VAV3: variants seen among roughly 807,000 people sequenced by gnomAD.
VAV3 encodes the protein vav guanine nucleotide exchange factor 3, also known as guanine nucleotide exchange factor VAV3.
VAV3 carries 94 observed loss-of-function variants against 131.2 expected under a neutral mutation model. The ratio of observed to expected loss-of-function variants is 0.72; its 90% CI spans 0.61 to 0.85. VAV3 has a LOEUF of 0.85. Among genes scored for constraint, VAV3 ranks in the 40% least tolerant of loss-of-function variants. VAV3 has a pLI of 0.00. For synonymous variants in VAV3, 349 were observed against 342.0 expected, an observed-to-expected ratio of 1.02 and a Z score of -0.22; for missense variants, 939 against 1,002.7, an observed-to-expected ratio of 0.94 and a Z score of 0.86.
rs202127664 is a variant in VAV3, at chr1:107,600,632, A to AT, written c.2220+1764dup. On this transcript the variant is annotated intron_variant, in intron 24 of 26. Coordinates refer to ENST00000370056, the MANE Select transcript of VAV3 (RefSeq NM_006113.5). ...GAAACTTTTAAGGCTCTCTGGCACAATTTTTTTTTAATGCTGGGTCTCTAT... is the reference window on the plus strand; with the variant it reads ...GAAACTTTTAAGGCTCTCTGGCACAATTTTTTTTTTAATGCTGGGTCTCTAT... Among the ~76,000 whole-genome samples the AT allele has an allele frequency of 1.9e-3, 293 of 151,182 alleles. 1 individual carries two copies. Among genetic ancestry groups the AT allele is most frequent in the Non-Finnish European group, 3.4e-3 (229 of 67,678 alleles).
chr1:107,722,552 T>A (rs1661560827), intron 15 of VAV3, among the ~76,000 whole-genome samples: 1 of 152,186 alleles, frequency 6.6e-6, no homozygotes, highest in South Asian at 2.1e-4. Context: ...ACAAATGGAC[T>A]TATTTCAAAG....
rs988618510 is a variant in VAV3, at chr1:107,627,559, G to A, written c.1915-9927C>T. ...ACCTGATTATCATTTTTCCATTTCT[G>A]GAAAATAAAGCATGTCTTTCAAAAT... On this transcript the variant is annotated intron_variant, in intron 20 of 26. Coordinates refer to ENST00000370056, the MANE Select transcript of VAV3 (RefSeq NM_006113.5). Among the ~76,000 whole-genome samples, 16 of 152,106 alleles carry A rather than the reference G, an allele frequency of 1.1e-4. 1 individual carries two copies. The highest frequency in any genetic ancestry group is 8.5e-4 in the Admixed American group (13 of 15,282).
At chr1:107,579,279 C>T (rs1323894590) in intron 25 of VAV3, among the ~76,000 whole-genome samples, 2 of 152,184 alleles carry the variant, frequency 1.3e-5, no homozygotes, top group South Asian at 2.1e-4. Context: ...GGAGATTCTT[C>T]GATATGGTTT....
intron 1 of VAV3, among the ~76,000 whole-genome samples, chr1:107,895,459 T>C (rs1365318661): frequency 1.3e-5 from 2 of 152,158 alleles, no homozygotes; most frequent in Non-Finnish European, 2.9e-5. Context: ...AGCAATCTTA[T>C]CCAGTTCTCA....
intron 17 of VAV3, among the ~76,000 whole-genome samples, chr1:107,690,034 T>C (rs1198210983): frequency 6.6e-6 from 1 of 152,170 alleles, no homozygotes; most frequent in African/African-American, 2.4e-5. Context: ...AAGTTTTCCA[T>C]CCAAGGAGAT....
At chr1:107,950,347 T>C (rs1302253351) in intron 1 of VAV3, among the ~76,000 whole-genome samples, 3 of 152,222 alleles carry the variant, frequency 2.0e-5, no homozygotes, top group South Asian at 2.1e-4. Context: ...ATAGTCACCA[T>C]TGTAGTGTGT....
chr1:107,610,792 A>C (rs1298409414), intron 21 of VAV3, among the ~76,000 whole-genome samples: 2 of 152,226 alleles, frequency 1.3e-5, no homozygotes, highest in African/African-American at 4.8e-5. Flanking sequence ...AGAGAGGGTT[A>C]CTTTAAAAAT....
intron 15 of VAV3, among the ~76,000 whole-genome samples, chr1:107,711,342 C>T (rs1163037148): frequency 6.6e-6 from 1 of 152,188 alleles, no homozygotes; most frequent in Non-Finnish European, 1.5e-5. Flanking sequence ...GGACTGGTCA[C>T]ACAGACACTC....
intron 1 of VAV3, among the ~76,000 whole-genome samples, chr1:107,879,032 AT>A (rs984358700): frequency 4.1e-4 from 63 of 151,982 alleles, no homozygotes; most frequent in African/African-American, 1.4e-3. Context: ...TGCCATCATT[AT>A]TTTTTTAATG....
chr1:107,759,637 T>C (rs1388813832), intron 10 of VAV3, among the ~76,000 whole-genome samples: 2 of 152,136 alleles, frequency 1.3e-5, no homozygotes, highest in African/African-American at 4.8e-5. Context: ...GAACTAAACA[T>C]ACTCTTAAAA....
chr1:107,713,220 T>C (rs1660891735), intron 15 of VAV3, among the ~76,000 whole-genome samples: 1 of 152,174 alleles, frequency 6.6e-6, no homozygotes, highest in African/African-American at 2.4e-5. Context: ...AGGAACCTGA[T>C]ATTTATTTTA....
intron 25 of VAV3, chr1:107,576,405 A>G: frequency 6.6e-7 from 1 of 1,523,828 alleles, no homozygotes; most frequent in East Asian, 2.5e-5. Context: ...ACCAGAAAGG[A>G]GTGGAAGAAG....
intron 19 of VAV3, among the ~76,000 whole-genome samples, chr1:107,648,904 C>T (rs1465321047): frequency 6.6e-6 from 1 of 151,980 alleles, no homozygotes. Flanking sequence ...GTACCCGCCA[C>T]ATGTCTGGTG....
intron 1 of VAV3, among the ~76,000 whole-genome samples, chr1:107,960,336 C>T (rs1383850345): frequency 6.6e-6 from 1 of 151,928 alleles, no homozygotes; most frequent in Non-Finnish European, 1.5e-5. Context: ...AGTAGTGGCA[C>T]GTGCCTGTAG....
chr1:107,645,146 C>A (rs1372346224), intron 19 of VAV3, among the ~76,000 whole-genome samples: 1 of 151,914 alleles, frequency 6.6e-6, no homozygotes, highest in Admixed American at 6.6e-5. Flanking sequence ...TGACCTCTTC[C>A]CCAAAGCAAA....
rs1271100586 is a variant in VAV3, at chr1:107,765,065, T to C, written c.921+11A>G. 1 of 1,597,264 alleles carries C rather than the reference T, an allele frequency of 6.3e-7. No individual in the cohort carries two copies. Among genetic ancestry groups the C allele is most frequent in the East Asian group, 2.2e-5 (1 of 44,738 alleles). ...TTTGCTTTATGTCATAAACTAAAAA[T>C]AAATAGGCACCTCTAATTTCAGTTT... is the stretch of plus-strand genomic sequence containing the variant. On this transcript the variant is annotated intron_variant, in intron 9 of 26. Transcript: ENST00000370056.
chr1:107,775,604 A>G (rs893758380), intron 4 of VAV3, among the ~76,000 whole-genome samples: 15 of 124,664 alleles, frequency 1.2e-4, no homozygotes, highest in African/African-American at 3.6e-4. Flanking sequence ...AAAAAAAAAA[A>G]GAATAGCATC....
chr1:107,763,852 C>A (rs762651293), intron 9 of VAV3, among the ~76,000 whole-genome samples: 5 of 151,578 alleles, frequency 3.3e-5, no homozygotes, highest in African/African-American at 7.3e-5. Flanking sequence ...ATTTGAAAAT[C>A]ACCTGCCCCT....
intron 7 of VAV3, among the ~76,000 whole-genome samples, chr1:107,767,693 C>T (rs941532617): frequency 6.6e-6 from 1 of 152,164 alleles, no homozygotes; most frequent in Non-Finnish European, 1.5e-5. Flanking sequence ...ATACATTTAT[C>T]AGTGTATGTG....
Sources: allele counts gnomAD v4.1 joint callset (sites outside exome capture counted in the v4.1 genomes callset), GRCh38; gene constraint gnomAD v4.1.1; transcripts MANE v1.5; gene names NCBI Gene and HGNC (gene_info 2026-07-23, HGNC 2026-07-21).